Variants in CNBD1 observed in about 807,000 individuals in gnomAD.
CNBD1 encodes cyclic nucleotide binding domain containing 1.
A neutral mutation model predicts 54.4 loss-of-function variants in CNBD1; 71 were observed. The observed-to-expected ratio is 1.30, with a 90% CI of 1.08 to 1.59. The LOEUF is 1.59. Ranked by LOEUF, CNBD1 falls within the 40% of genes most tolerant of loss-of-function variation. The pLI is 0.00. For synonymous variants in CNBD1, 182 were observed against 170.7 expected (o/e 1.07, Z -0.51); for missense variants, 659 against 518.0 (o/e 1.27, Z -2.64).
At chr8:86,932,782 C>T (rs1482294110) in intron 3 of CNBD1, among the ~76,000 whole-genome samples, 1 of 151,916 alleles carries the variant, frequency 6.6e-6, no homozygotes, top group Non-Finnish European at 1.5e-5. Context: ...CTTCTTGATG[C>T]CTGAGTGTTT....
At chr8:87,159,066 G>A (rs1031448200) in intron 4 of CNBD1, among the ~76,000 whole-genome samples, 11 of 152,090 alleles carry the variant, frequency 7.2e-5, no homozygotes, top group African/African-American at 2.7e-4. Context: ...TTAATGAGCT[G>A]CCAAACATTT....
At chr8:87,328,745 A>T (rs1249303538) in intron 8 of CNBD1, among the ~76,000 whole-genome samples, 1 of 152,122 alleles carries the variant, frequency 6.6e-6, no homozygotes, top group Non-Finnish European at 1.5e-5. Flanking sequence ...AACATAGTTT[A>T]TCTTTTTATT....
chr8:87,354,010 A>AT (rs1306091156), intron 10 of CNBD1: 3 of 338,652 alleles, frequency 8.9e-6, no homozygotes, highest in Non-Finnish European at 1.6e-5. Flanking sequence ...CATTTTCATC[A>AT]TATAGAAAGA....
At chr8:87,137,969 A>G (rs1183252485) in intron 4 of CNBD1, among the ~76,000 whole-genome samples, 1 of 152,164 alleles carries the variant, frequency 6.6e-6, no homozygotes, top group East Asian at 1.9e-4. Context: ...GGGGGAAAAA[A>G]GGAGAAGCAT....
intron 2 of CNBD1, among the ~76,000 whole-genome samples, chr8:86,889,632 G>T (rs576855232): frequency 6.6e-6 from 1 of 151,958 alleles, no homozygotes; most frequent in South Asian, 2.1e-4. Context: ...TATTATCCTG[G>T]GATTTTTTAT....
intron 4 of CNBD1, among the ~76,000 whole-genome samples, chr8:86,985,379 C>T (rs529088880): frequency 6.6e-6 from 1 of 152,254 alleles, no homozygotes; most frequent in East Asian, 1.9e-4. Flanking sequence ...TTTTTCAACC[C>T]ATGGTGCCTT....
At chr8:87,228,579 G>C (rs1033365768) in intron 5 of CNBD1, among the ~76,000 whole-genome samples, 2 of 150,886 alleles carry the variant, frequency 1.3e-5, no homozygotes, top group African/African-American at 2.5e-5. Context: ...GGACCCACTT[G>C]AGGAGGCAGT....
intron 8 of CNBD1, among the ~76,000 whole-genome samples, chr8:87,342,364 C>T (rs957821268): frequency 1.3e-5 from 2 of 151,788 alleles, no homozygotes; most frequent in Admixed American, 1.3e-4. Flanking sequence ...GCTTCCTATT[C>T]CACTGTCTTG....
intron 4 of CNBD1, among the ~76,000 whole-genome samples, chr8:87,144,080 A>G (rs913550933): frequency 1.3e-5 from 2 of 152,212 alleles, no homozygotes; most frequent in East Asian, 1.9e-4. Context: ...AGGAAAGTGC[A>G]TATTTCAGTG....
At chr8:87,401,368 C>T (rs1468035933) in intron 2 of CNBD1, among the ~76,000 whole-genome samples, 3 of 151,916 alleles carry the variant, frequency 2.0e-5, no homozygotes, top group Non-Finnish European at 2.9e-5. Context: ...AATGCCCCTC[C>T]CATATATGGC....
chr8:87,421,486 T>A (rs1230246182), intron 2 of CNBD1, among the ~76,000 whole-genome samples: 2 of 140,040 alleles, frequency 1.4e-5, no homozygotes, highest in Admixed American at 7.9e-5. Context: ...CCATGTGATC[T>A]CATTGTTCAA....
chr8:87,426,893 C>G (rs558704541), intron 2 of CNBD1, among the ~76,000 whole-genome samples: 3 of 152,242 alleles, frequency 2.0e-5, no homozygotes, highest in South Asian at 4.1e-4. Context: ...CTAATATAAA[C>G]AAATTTATAG....
chr8:87,415,106 G>A (rs546569160), intron 2 of CNBD1, among the ~76,000 whole-genome samples: 3 of 152,080 alleles, frequency 2.0e-5, no homozygotes, highest in African/African-American at 7.2e-5. Context: ...AAGGATCTGA[G>A]TGTATCCCCA....
intron 4 of CNBD1, among the ~76,000 whole-genome samples, chr8:87,202,333 C>T (rs1337680979): frequency 6.6e-6 from 1 of 151,966 alleles, no homozygotes; most frequent in Non-Finnish European, 1.5e-5. Flanking sequence ...AGGAAAGATA[C>T]AGAAGATTAG....
At chr8:86,979,690 A>G (rs949601241) in intron 4 of CNBD1, among the ~76,000 whole-genome samples, 1 of 152,210 alleles carries the variant, frequency 6.6e-6, no homozygotes, top group African/African-American at 2.4e-5. Context: ...GCTGTTCAGT[A>G]TAAAAAACAG....
chr8:86,942,374 C>A (rs1260252594), intron 4 of CNBD1, among the ~76,000 whole-genome samples: 1 of 152,196 alleles, frequency 6.6e-6, no homozygotes, highest in Admixed American at 6.5e-5. Flanking sequence ...TGGTCCTCTG[C>A]TCAGTGTCTC....
At chr8:86,880,352 TA>T (rs2131778064) in intron 1 of CNBD1, among the ~76,000 whole-genome samples, 1 of 150,782 alleles carries the variant, frequency 6.6e-6, no homozygotes, top group East Asian at 2.0e-4. Context: ...AAAAAAAACG[TA>T]ATACTACAAT....
chr8:87,170,277 ATTTG>A (rs1424240997), intron 4 of CNBD1, among the ~76,000 whole-genome samples: 1 of 152,056 alleles, frequency 6.6e-6, no homozygotes, highest in Non-Finnish European at 1.5e-5. Context: ...ACTTTACTAA[ATTTG>A]TTTATCAGTT....
At chr8:86,945,507 A>C (rs1366005189) in intron 4 of CNBD1, among the ~76,000 whole-genome samples, 1 of 152,170 alleles carries the variant, frequency 6.6e-6, no homozygotes, top group Non-Finnish European at 1.5e-5. Flanking sequence ...AAGATGGGGA[A>C]TTGCAGTCTC....
Sources: gnomAD v4.1 joint callset for allele counts (sites outside exome capture counted in the v4.1 genomes callset) on GRCh38, gnomAD v4.1.1 for gene constraint, MANE v1.5 for transcripts, NCBI Gene and HGNC (gene_info 2026-07-23, HGNC 2026-07-21) for gene names.